Variants in TMCC1 observed in about 807,000 individuals in gnomAD.
The protein encoded by TMCC1 is transmembrane and coiled-coil domains protein 1.
A neutral mutation model predicts 52.4 loss-of-function variants in TMCC1; 15 were observed. The ratio of observed to expected loss-of-function variants is 0.29; its 90% CI spans 0.19 to 0.44. The LOEUF is 0.44. Among genes scored for constraint, TMCC1 ranks in the 20% least tolerant of loss-of-function variants. TMCC1 has a pLI of 1.00. For synonymous variants in TMCC1, 279 were observed against 301.9 expected (o/e 0.92, Z 0.79); for missense variants, 503 against 806.0 (o/e 0.62, Z 4.55).
chr3:129,775,220 G>A (rs1000912616), intron 4 of TMCC1, among the ~76,000 whole-genome samples: 5 of 152,112 alleles, frequency 3.3e-5, no homozygotes, highest in Non-Finnish European at 7.4e-5. Context: ...TGAGGCAGGA[G>A]GATCACTTGA....
intron 4 of TMCC1, among the ~76,000 whole-genome samples, chr3:129,686,181 A>ACCC (rs1409430828): frequency 2.0e-5 from 3 of 152,204 alleles, no homozygotes; most frequent in Non-Finnish European, 4.4e-5. Flanking sequence ...AGCTTCCTAC[A>ACCC]ATTTTAGAAT....
At chr3:129,707,956 C>T (rs1333811255) in intron 4 of TMCC1, among the ~76,000 whole-genome samples, 1 of 151,238 alleles carries the variant, frequency 6.6e-6, no homozygotes, top group East Asian at 1.9e-4. Flanking sequence ...AAAATTGAGA[C>T]GACTGCTAAA....
chr3:129,699,157 G>T (rs2047628589), intron 4 of TMCC1, among the ~76,000 whole-genome samples: 1 of 152,154 alleles, frequency 6.6e-6, no homozygotes, highest in South Asian at 2.1e-4. Flanking sequence ...TTGAATAGGG[G>T]CTGGGTAAAA....
At position 129,647,853 on chromosome 3, in the gene TMCC1, A is replaced by G. The variant is rs1241402948; in HGVS notation, c.*3628T>C. The stretch of plus-strand genomic sequence containing the variant: ...AGTAAAAGTGCTGCTGAGAATCTGC[A>G]GCGACCAGACAGAACATAAATTTAA... On this transcript the variant is annotated 3_prime_UTR_variant, in exon 7 of 7. Transcript: ENST00000393238. The G allele has an allele frequency of 6.5e-6, 1 of 152,684 alleles. No homozygotes were observed. The highest frequency in any genetic ancestry group is 1.5e-5 in the Non-Finnish European group (1 of 68,040). 9.5% of individuals were successfully genotyped at this position (152,684 alleles called of 1,614,324 possible).
intron 4 of TMCC1, among the ~76,000 whole-genome samples, chr3:129,822,230 T>C (rs991044170): frequency 6.6e-6 from 1 of 152,188 alleles, no homozygotes; most frequent in African/African-American, 2.4e-5. Flanking sequence ...ATTTCAGTAT[T>C]TGATATCTAC....
intron 6 of TMCC1, among the ~76,000 whole-genome samples, chr3:129,653,506 C>T (rs184514752): frequency 3.3e-5 from 5 of 152,346 alleles, no homozygotes; most frequent in African/African-American, 4.8e-5. Context: ...TGCAGCGGCG[C>T]GATCTCAGCT....
At chr3:129,676,879 A>G (rs746344640) in intron 4 of TMCC1, among the ~76,000 whole-genome samples, 1 of 152,198 alleles carries the variant, frequency 6.6e-6, no homozygotes, top group African/African-American at 2.4e-5. Flanking sequence ...CCTGCCAAAC[A>G]TGGTAAACTA....
At chr3:129,744,363 G>C (rs2051735655) in intron 4 of TMCC1, among the ~76,000 whole-genome samples, 1 of 152,088 alleles carries the variant, frequency 6.6e-6, no homozygotes. Flanking sequence ...ATGTTGCCCA[G>C]GCTGGTCTTG....
intron 4 of TMCC1, among the ~76,000 whole-genome samples, chr3:129,743,052 G>A (rs2051601239): frequency 6.6e-6 from 1 of 152,136 alleles, no homozygotes; most frequent in African/African-American, 2.4e-5. Flanking sequence ...ATTGGGCAGT[G>A]ATGCCTAAGA....
chr3:129,812,429 T>G (rs922101693), intron 4 of TMCC1, among the ~76,000 whole-genome samples: 7 of 150,492 alleles, frequency 4.7e-5, no homozygotes, highest in African/African-American at 1.7e-4. Context: ...ACAAAGAAAC[T>G]TAAGCTGGTA....
In TMCC1 at chr3:129,811,219, T is replaced by C. The variant is rs146944642; in HGVS notation, c.576+16584A>G. Among the ~76,000 whole-genome samples the C allele has an allele frequency of 3.9e-5, 6 of 152,282 alleles. No individual in the cohort carries two copies. The East Asian group carries it at 7.7e-4, about 20-fold the overall frequency. ...TTACAAAGAAATGCTCAGAAACAAA[T>C]AGATCAGAATTAGGATGCTCACTTT... is the stretch of plus-strand genomic sequence containing the variant. On this transcript the variant is annotated intron_variant, in intron 4 of 6. Coordinates refer to ENST00000393238, the MANE Select transcript of TMCC1 (RefSeq NM_001017395.5).
chr3:129,670,270 T>C (rs1201254208), intron 5 of TMCC1, 60 bp downstream of exon 5: 11 of 1,521,566 alleles, frequency 7.2e-6, no homozygotes, highest in Non-Finnish European at 9.8e-6. Flanking sequence ...CATTTCCCCA[T>C]ATCTAAAGGG....
At chr3:129,886,249 T>A (rs1021814483) in intron 1 of TMCC1, among the ~76,000 whole-genome samples, 2 of 152,152 alleles carry the variant, frequency 1.3e-5, no homozygotes, top group Admixed American at 6.5e-5. Context: ...CTTTATTCTA[T>A]AAAGACAACA....
At chr3:129,775,717 A>G (rs2107712689) in intron 4 of TMCC1, among the ~76,000 whole-genome samples, 2 of 152,270 alleles carry the variant, frequency 1.3e-5, no homozygotes, top group Middle Eastern at 3.4e-3. Context: ...ACCAAATCCT[A>G]TCAAATCTAC....
chr3:129,672,194 T>A lies in TMCC1; in HGVS notation c.577-930A>T, dbSNP rs140510683. Among the ~76,000 whole-genome samples, 34 of 152,274 alleles carry A rather than the reference T, an allele frequency of 2.2e-4. No individual in the cohort carries two copies. In the East Asian group the frequency reaches 6.2e-3, roughly 28 times the overall value. Reference sequence around the variant, plus strand: ...CACTCTTCAACATAGTTAGCTAAATTTGGGGAGGTCAAGTTTCCCAAATTC... The same window carrying A: ...CACTCTTCAACATAGTTAGCTAAATATGGGGAGGTCAAGTTTCCCAAATTC... On this transcript the variant is annotated intron_variant, in intron 4 of 6. Transcript: ENST00000393238.
chr3:129,823,568 T>C (rs2058521900), intron 4 of TMCC1, among the ~76,000 whole-genome samples: 1 of 152,130 alleles, frequency 6.6e-6, no homozygotes, highest in South Asian at 2.1e-4. Context: ...TAGTTCAACA[T>C]TGGGCTAACT....
At chr3:129,886,802 G>A (rs1278154341) in intron 1 of TMCC1, among the ~76,000 whole-genome samples, 1 of 151,856 alleles carries the variant, frequency 6.6e-6, no homozygotes, top group Non-Finnish European at 1.5e-5. Flanking sequence ...GCCAGGTGTG[G>A]TGTGTGCACC....
intron 4 of TMCC1, among the ~76,000 whole-genome samples, chr3:129,821,344 T>C (rs1020802840): frequency 5.3e-5 from 8 of 152,118 alleles, no homozygotes; most frequent in Admixed American, 5.2e-4. Flanking sequence ...TTTTTAAAGG[T>C]ATTGACCTGC....
At chr3:129,887,349 C>T (rs2061757114) in intron 1 of TMCC1, among the ~76,000 whole-genome samples, 1 of 152,012 alleles carries the variant, frequency 6.6e-6, no homozygotes, top group African/African-American at 2.4e-5. Flanking sequence ...CGAGACCACC[C>T]TGGCCAACAT....
Sources: allele counts gnomAD v4.1 joint callset (sites outside exome capture counted in the v4.1 genomes callset), GRCh38; gene constraint gnomAD v4.1.1; transcripts MANE v1.5; gene names NCBI Gene and HGNC (gene_info 2026-07-23, HGNC 2026-07-21).